The following ABI3BP variants were observed in gnomAD, a reference collection of about 807,000 sequenced individuals.
ABI3BP encodes target of Nesh-SH3.
ABI3BP carries 216 observed loss-of-function variants against 268.6 expected under a neutral mutation model. The ratio of observed to expected loss-of-function variants is 0.80; its 90% confidence interval spans 0.72 to 0.90. The LOEUF (loss-of-function observed/expected upper bound fraction) is 0.90, where lower values mean the gene tolerates loss of function less well. ABI3BP is among the 40% of genes least tolerant of loss of function. ABI3BP has a pLI of 0.00. For missense variants in ABI3BP, 2,090 were observed against 2,182.4 expected (o/e 0.96, Z 0.84); for synonymous variants, 730 against 730.0 (o/e 1.00, Z 0.00).
At chr3:100,910,725 A>G (rs1025961209) in intron 2 of ABI3BP, among the ~76,000 whole-genome samples, 1 of 152,098 alleles carries the variant, frequency 6.6e-6, no homozygotes, top group Non-Finnish European at 1.5e-5. Context: ...TCCCTCAACA[A>G]CTTAGTGAAA....
intron 31 of ABI3BP, 60 bp downstream of exon 31, chr3:100,832,204 C>A: frequency 6.8e-7 from 1 of 1,463,346 alleles, no homozygotes; most frequent in Admixed American, 2.0e-5. Context: ...GTACATAGAA[C>A]TTACAGTCCC....
intron 20 of ABI3BP, among the ~76,000 whole-genome samples, chr3:100,842,541 C>T (rs1409986240): frequency 6.6e-6 from 1 of 152,194 alleles, no homozygotes; most frequent in Non-Finnish European, 1.5e-5. Context: ...CATATGATGC[C>T]TCCTGTATTC....
At chr3:100,956,512 G>A (rs1040219590) in intron 1 of ABI3BP, among the ~76,000 whole-genome samples, 3 of 152,174 alleles carry the variant, frequency 2.0e-5, no homozygotes, top group Non-Finnish European at 4.4e-5. Flanking sequence ...ACCAGATGGA[G>A]CCTGGGTCTT....
intron 51 of ABI3BP, among the ~76,000 whole-genome samples, chr3:100,802,123 G>C (rs1450568927): frequency 6.6e-6 from 1 of 152,114 alleles, no homozygotes; most frequent in Non-Finnish European, 1.5e-5. Context: ...TTTTTAATTA[G>C]TTCACAAAAA....
At chr3:100,974,214 C>G (rs563682274) in intron 1 of ABI3BP, among the ~76,000 whole-genome samples, 1 of 152,066 alleles carries the variant, frequency 6.6e-6, no homozygotes, top group Non-Finnish European at 1.5e-5. Context: ...TTCTTATAAA[C>G]AAACACTTAA....
At chr3:100,903,623 A>G (rs896949953) in intron 2 of ABI3BP, among the ~76,000 whole-genome samples, 9 of 152,336 alleles carry the variant, frequency 5.9e-5, no homozygotes, top group African/African-American at 2.2e-4. Flanking sequence ...GGCAGACTTC[A>G]TATCTTTGTT....
chr3:100,874,947 G>A lies in ABI3BP; in HGVS notation c.818-14C>T. The A allele has an allele frequency of 1.3e-6, 2 of 1,486,386 alleles. No homozygotes were observed. The highest frequency in any genetic ancestry group is 1.9e-6 in the Non-Finnish European group (2 of 1,077,904). The allele number at this position is 1,486,386 out of a possible 1,614,324, so 92.1% of individuals were successfully genotyped here. A position where few individuals can be genotyped will look rare whatever the true frequency, so the allele number is the denominator to read the frequency against. On this transcript the variant is annotated splice_polypyrimidine_tract_variant and intron_variant, in intron 8 of 67. Transcript: ENST00000471714. ...TAATAAGGTGGACTGCAAGGAAATA[G>A]ATGTAAATAAGATAAGGGGAAGAAA...
In ABI3BP at chr3:100,898,927, G is replaced by A. The variant is rs1363637518; in HGVS notation, c.329-33C>T. The A allele has an allele frequency of 4.5e-6, 7 of 1,565,700 alleles. No individual in the cohort carries two copies. The African/African-American group carries it at 5.5e-5, about 12-fold the overall frequency. ...GGTGGCATAGAGGTTAATAATTCAG[G>A]AGACATTTAGTAAGTTGCCATGATT... is the stretch of plus-strand genomic sequence containing the variant. On this transcript the variant is annotated intron_variant, in intron 3 of 67. Transcript: ENST00000471714.
At chr3:100,915,070 T>C (rs553143577) in intron 2 of ABI3BP, among the ~76,000 whole-genome samples, 2 of 152,294 alleles carry the variant, frequency 1.3e-5, no homozygotes, top group South Asian at 2.1e-4. Flanking sequence ...CCACCATCTC[T>C]GTCTTGACCC....
chr3:100,750,308 A>C lies in ABI3BP; in HGVS notation c.*187T>G. On this transcript the variant is annotated 3_prime_UTR_variant, in exon 68 of 68. Transcript: ENST00000471714. ...TTAACATCAGTATCTTGCTTTCTTA[A>C]AATGACTTTGTAAAACCTGATAAAT... 2.1e-6 allele frequency: 1 copy of C among 480,242 alleles called. No homozygotes were observed. Among genetic ancestry groups the C allele is most frequent in the Non-Finnish European group, 3.6e-6 (1 of 276,654 alleles). 29.7% of individuals were successfully genotyped at this position (480,242 alleles called of 1,614,324 possible). A position where few individuals can be genotyped will look rare whatever the true frequency, so the allele number is the denominator to read the frequency against.
chr3:100,795,852 CT>C lies in ABI3BP; in HGVS notation c.3818-2del, dbSNP rs1168111913. Reference sequence around the variant, plus strand: ...AATCTAAAGGTAACAGGCTGCAGAACTATGCCAAAAGCAAGCCAAAGGAACA... The same window carrying C: ...AATCTAAAGGTAACAGGCTGCAGAACATGCCAAAAGCAAGCCAAAGGAACA... On this transcript the variant is annotated splice_acceptor_variant, in intron 52 of 67. Transcript: ENST00000471714. LOFTEE classifies it high-confidence loss of function. The C allele has an allele frequency of 7.8e-7, 1 of 1,286,144 alleles. No homozygotes were observed. Among genetic ancestry groups the C allele is most frequent in the African/African-American group, 1.5e-5 (1 of 65,536 alleles). 79.7% of individuals were successfully genotyped at this position (1,286,144 alleles called of 1,614,324 possible). A position where few individuals can be genotyped will look rare whatever the true frequency, so the allele number is the denominator to read the frequency against.
At chr3:100,764,814 T>G (rs911343024) in intron 63 of ABI3BP, among the ~76,000 whole-genome samples, 3 of 152,218 alleles carry the variant, frequency 2.0e-5, no homozygotes, top group Non-Finnish European at 4.4e-5. Context: ...GCAAATGGGC[T>G]TTTACTGACA....
In ABI3BP at chr3:100,862,402, T is replaced by A; in HGVS notation, c.1211-17A>T. On this transcript the variant is annotated splice_polypyrimidine_tract_variant and intron_variant, in intron 13 of 67. Transcript: ENST00000471714. ...CACTTGAAGCTATATTGAAAAGAAA[T>A]GGAATTTGCTGAAGATTTTTTTTTT... 1 of 1,534,138 alleles carries A rather than the reference T, an allele frequency of 6.5e-7. No individual in the cohort carries two copies. The highest frequency in any genetic ancestry group is 8.8e-7 in the Non-Finnish European group (1 of 1,142,062).
intron 29 of ABI3BP, among the ~76,000 whole-genome samples, chr3:100,834,084 C>T (rs567357294): frequency 6.6e-6 from 1 of 152,134 alleles, no homozygotes; most frequent in Middle Eastern, 3.2e-3. Flanking sequence ...GATCCTCCCA[C>T]CTCATTCACC....
At chr3:100,938,958 C>T (rs1168470671) in intron 1 of ABI3BP, among the ~76,000 whole-genome samples, 1 of 151,970 alleles carries the variant, frequency 6.6e-6, no homozygotes, top group Non-Finnish European at 1.5e-5. Context: ...TGCACATGTG[C>T]CTGTGCATGC....
intron 1 of ABI3BP, among the ~76,000 whole-genome samples, chr3:100,958,350 G>A (rs2077564318): frequency 6.6e-6 from 1 of 152,178 alleles, no homozygotes; most frequent in South Asian, 2.1e-4. Context: ...TATTTCCTTT[G>A]CTGCCTTGCT....
At chr3:100,854,188 TAA>T (rs56306514) in intron 14 of ABI3BP, among the ~76,000 whole-genome samples, 31 of 128,876 alleles carry the variant, frequency 2.4e-4, no homozygotes, top group African/African-American at 6.0e-4. Context: ...CTGTCTCTAC[TAA>T]AAAAAAAAAA....
chr3:100,771,238 G>C (rs2096535999), intron 61 of ABI3BP, among the ~76,000 whole-genome samples: 1 of 152,132 alleles, frequency 6.6e-6, no homozygotes, highest in South Asian at 2.1e-4. Context: ...ATGGGGCACT[G>C]GGTCTTACCC....
At chr3:100,772,653 C>G (rs2096582530) in intron 61 of ABI3BP, among the ~76,000 whole-genome samples, 1 of 151,892 alleles carries the variant, frequency 6.6e-6, no homozygotes, top group Admixed American at 6.5e-5. Context: ...CATACTCAAC[C>G]TAAAAGAAGA....
Sources: allele counts gnomAD v4.1 joint callset (sites outside exome capture counted in the v4.1 genomes callset), GRCh38; gene constraint gnomAD v4.1.1; transcripts MANE v1.5; gene names NCBI Gene and HGNC (gene_info 2026-07-23, HGNC 2026-07-21).